The following GPHN variants were observed in gnomAD, a reference collection of about 807,000 sequenced individuals.
GPHN encodes gephyrin.
Under a neutral mutation model 95.5 loss-of-function variants are expected in GPHN, and 17 were observed. That is an observed-to-expected ratio of 0.18 (90% CI 0.12 to 0.27). The LOEUF (loss-of-function observed/expected upper bound fraction) is 0.27, where lower values mean the gene tolerates loss of function less well. GPHN is among the 10% of genes least tolerant of loss of function. The pLI is 1.00. For synonymous variants in GPHN, 320 were observed against 322.5 expected (o/e 0.99, Z 0.08); for missense variants, 660 against 978.1 (o/e 0.67, Z 4.34).
At chr14:66,682,894 A>G in intron 2 of GPHN, among the ~76,000 whole-genome samples, 1 of 152,192 alleles carries the variant, frequency 6.6e-6, no homozygotes, top group African/African-American at 2.4e-5. Flanking sequence ...CACTTGAATA[A>G]TGGATTATAA....
At chr14:66,576,735 A>G (rs1251440787) in intron 1 of GPHN, among the ~76,000 whole-genome samples, 2 of 152,138 alleles carry the variant, frequency 1.3e-5, no homozygotes, top group African/African-American at 2.4e-5. Context: ...AGAATAATGT[A>G]TTTATGTAAT....
chr14:67,577,974 G>C, the GPHN span: 7 of 1,567,250 alleles, frequency 4.5e-6, no homozygotes, highest in Non-Finnish European at 6.1e-6. Context: ...TGAGTTCTCT[G>C]AACCCAGGGG....
the GPHN span, among the ~76,000 whole-genome samples, chr14:67,531,574 C>T: frequency 6.6e-6 from 1 of 151,730 alleles, no homozygotes; most frequent in African/African-American, 2.4e-5. Flanking sequence ...CCTCCCATTC[C>T]ACTCTCCATG....
At chr14:67,554,129 A>G in the GPHN span, among the ~76,000 whole-genome samples, 1 of 152,184 alleles carries the variant, frequency 6.6e-6, no homozygotes, top group Non-Finnish European at 1.5e-5. Context: ...GGAGAAAAAA[A>G]TGGATGAGGG....
chr14:66,901,555 G>C (rs890086789), intron 5 of GPHN, among the ~76,000 whole-genome samples: 5 of 151,844 alleles, frequency 3.3e-5, no homozygotes, highest in African/African-American at 1.2e-4. Flanking sequence ...TTTGTGTATG[G>C]TAAAATATAG....
the GPHN span, among the ~76,000 whole-genome samples, chr14:67,636,738 G>T: frequency 2.6e-5 from 4 of 152,186 alleles, no homozygotes; most frequent in East Asian, 7.7e-4. Flanking sequence ...TTTATTACCA[G>T]CACTCAGGAG....
chr14:67,302,126 T>TCC, the GPHN span: 1 of 1,589,130 alleles, frequency 6.3e-7, no homozygotes, highest in Non-Finnish European at 8.5e-7. Flanking sequence ...TTGGTAAGTG[T>TCC]CCCACATACT....
the GPHN span, chr14:67,581,768 T>A: frequency 1.2e-5 from 4 of 335,534 alleles, no homozygotes; most frequent in South Asian, 1.3e-4. Context: ...CTTGGACTCT[T>A]ACCTCATCCA....
chr14:67,379,728 C>T, the GPHN span, among the ~76,000 whole-genome samples: 10 of 130,828 alleles, frequency 7.6e-5, no homozygotes, highest in East Asian at 3.1e-4. Flanking sequence ...GATCTCGGCT[C>T]ACTGCAAGCT....
At position 66,641,988 on chromosome 14, in the gene GPHN, C is replaced by A. The variant is rs183990473; in HGVS notation, c.65-39119C>A. Among the ~76,000 whole-genome samples the A allele has an allele frequency of 1.7e-4, 26 of 152,228 alleles. No homozygotes were observed. In the East Asian group the frequency reaches 4.8e-3, roughly 28 times the overall value. ...TGTAAGAGAGAGTACCAATTGTCATCATTTTCTGTAACACAATACTAGAGT... is the reference window on the plus strand; with the variant it reads ...TGTAAGAGAGAGTACCAATTGTCATAATTTTCTGTAACACAATACTAGAGT... On this transcript the variant is annotated intron_variant, in intron 1 of 22. Transcript: ENST00000478722.
At chr14:66,809,614 A>G (rs754146825) in intron 3 of GPHN, among the ~76,000 whole-genome samples, 2 of 152,166 alleles carry the variant, frequency 1.3e-5, no homozygotes, top group Non-Finnish European at 2.9e-5. Context: ...AGGAGTCTCT[A>G]TGGCATACAA....
At chr14:67,198,811 T>C in the GPHN span, among the ~76,000 whole-genome samples, 1 of 152,160 alleles carries the variant, frequency 6.6e-6, no homozygotes, top group African/African-American at 2.4e-5. Context: ...TTGGGAGCAA[T>C]GCTAACTTTT....
chr14:67,282,989 T>G, the GPHN span, among the ~76,000 whole-genome samples: 5 of 152,142 alleles, frequency 3.3e-5, no homozygotes, highest in African/African-American at 1.2e-4. Flanking sequence ...TAGGGATGAC[T>G]GCCATCTATC....
the GPHN span, chr14:67,473,148 C>A: frequency 4.1e-6 from 2 of 483,864 alleles, no homozygotes; most frequent in Non-Finnish European, 7.5e-6. This position sits in a 1 kb window ranked among gnomAD's most constrained non-coding sequence, Gnocchi z 6.5. Context: ...CGCTGCTCAG[C>A]CACAGGCCTC....
intron 1 of GPHN, among the ~76,000 whole-genome samples, chr14:66,628,509 C>T (rs1326495588): frequency 6.6e-6 from 1 of 152,088 alleles, no homozygotes; most frequent in Non-Finnish European, 1.5e-5. Flanking sequence ...ATATAAGGCA[C>T]TTACCATGAA....
At chr14:67,627,433 G>C in the GPHN span, among the ~76,000 whole-genome samples, 7 of 151,966 alleles carry the variant, frequency 4.6e-5, no homozygotes, top group African/African-American at 1.7e-4. Flanking sequence ...CATGTCTGTT[G>C]ATAGATATCC....
chr14:67,549,144 A>G, the GPHN span, among the ~76,000 whole-genome samples: 1 of 152,182 alleles, frequency 6.6e-6, no homozygotes, highest in Non-Finnish European at 1.5e-5. Context: ...TTTGCATAAA[A>G]TCATCATGGA....
intron 11 of GPHN, among the ~76,000 whole-genome samples, chr14:67,082,776 T>C (rs2076742884): frequency 6.6e-6 from 1 of 152,230 alleles, no homozygotes; most frequent in African/African-American, 2.4e-5. Context: ...TCTCTGTTAC[T>C]TCTTTCAGCA....
intron 1 of GPHN, among the ~76,000 whole-genome samples, chr14:66,558,032 G>A (rs2060076826): frequency 6.6e-6 from 1 of 152,044 alleles, no homozygotes; most frequent in African/African-American, 2.4e-5. Context: ...TATTTTAGGA[G>A]TAGTTTAGTA....
Sources: gnomAD v4.1 joint callset for allele counts (sites outside exome capture counted in the v4.1 genomes callset) on GRCh38, gnomAD v4.1.1 for gene constraint, Gnocchi (gnomAD v3.1) non-coding constraint, MANE v1.5 for transcripts, NCBI Gene and HGNC (gene_info 2026-07-23, HGNC 2026-07-21) for gene names.